The following ATF7IP variants were observed in gnomAD, a reference collection of about 807,000 sequenced individuals.
ATF7IP encodes activating transcription factor 7-interacting protein 1.
In ATF7IP, 23 loss-of-function variants were observed where a neutral mutation model predicts 106.4. The observed-to-expected ratio is 0.22, with a 90% confidence interval of 0.16 to 0.31. The LOEUF (loss-of-function observed/expected upper bound fraction) is 0.31. Among genes scored for constraint, ATF7IP ranks in the 10% least tolerant of loss-of-function variants. ATF7IP has a pLI of 1.00. For missense variants in ATF7IP, 1,334 were observed against 1,524.3 expected (o/e 0.88, Z 2.08); for synonymous variants, 542 against 539.0 (o/e 1.01, Z -0.08).
chr12:14,463,440 A>T (rs1282309331), intron 9 of ATF7IP, among the ~76,000 whole-genome samples: 4 of 152,326 alleles, frequency 2.6e-5, no homozygotes, highest in Middle Eastern at 3.4e-3. Context: ...TTAGATACAC[A>T]GAAATGTATA....
intron 1 of ATF7IP, among the ~76,000 whole-genome samples, chr12:14,412,912 G>T (rs573550864): frequency 6.6e-6 from 1 of 152,312 alleles, no homozygotes; most frequent in African/African-American, 2.4e-5. Context: ...TACTCAGGAG[G>T]CTGAGGCATG....
In ATF7IP at chr12:14,436,252, G is replaced by GT; in HGVS notation, c.1791+2dup. On this transcript the variant is annotated splice_donor_variant, in intron 4 of 14. Coordinates refer to ENST00000261168, the MANE Select transcript of ATF7IP (RefSeq NM_018179.5). LOFTEE classifies it high-confidence loss of function. The stretch of plus-strand genomic sequence containing the variant: ...AGACATTAACCAGAAACTTCAAAAG[G>GT]TATTGTGTCAATTATAAGTTATAAA... 1 of 1,610,438 alleles carries GT rather than the reference G, an allele frequency of 6.2e-7. No homozygotes were observed. Among genetic ancestry groups the GT allele is most frequent in the African/African-American group, 1.3e-5 (1 of 74,736 alleles).
chr12:14,376,912 C>A (rs995165313), intron 1 of ATF7IP, among the ~76,000 whole-genome samples: 7 of 151,798 alleles, frequency 4.6e-5, no homozygotes, highest in African/African-American at 1.7e-4. Flanking sequence ...GGTGACAGAA[C>A]AAAACTCCAT....
intron 13 of ATF7IP, among the ~76,000 whole-genome samples, chr12:14,494,635 A>G (rs537412014): frequency 4.0e-5 from 6 of 150,452 alleles, no homozygotes; most frequent in African/African-American, 1.5e-4. Context: ...TTACATAATC[A>G]GAAGTTCCCA....
At chr12:14,495,966 T>C (rs1944999190) in intron 13 of ATF7IP, among the ~76,000 whole-genome samples, 2 of 152,212 alleles carry the variant, frequency 1.3e-5, no homozygotes, top group Admixed American at 1.3e-4. Flanking sequence ...TCTCACGTAC[T>C]GGTGGCACAT....
intron 6 of ATF7IP, 25 bp from the exon 7 acceptor site, chr12:14,456,536 A>G (rs1336927999): frequency 1.9e-6 from 3 of 1,569,404 alleles, no homozygotes; most frequent in Non-Finnish European, 2.6e-6. Context: ...TTTTATTTTT[A>G]CCTTGATTTT....
At position 14,496,287 on chromosome 12, in the gene ATF7IP, C is replaced by T. The variant is rs757917213; in HGVS notation, c.3337C>T (p.Leu1113=). Residue 1113 remains leucine, a synonymous_variant, in exon 14 of 15, where the codon CTG becomes TTG. Coordinates refer to ENST00000261168, the MANE Select transcript of ATF7IP (RefSeq NM_018179.5). ...ATATGTTGTAAACAATGGACTAACC[C>T]TGGGATCAACAGGACCTCAGCTCAC... The part of the protein sequence containing the change: ...TTYVVNNGLT[L]GSTGPQLTVH... 5 of 1,613,812 alleles carry T rather than the reference C, an allele frequency of 3.1e-6. No individual in the cohort carries two copies. The African/African-American group carries it at 5.3e-5, about 17-fold the overall frequency.
intron 13 of ATF7IP, among the ~76,000 whole-genome samples, chr12:14,495,258 T>C (rs901270885): frequency 3.3e-5 from 5 of 152,224 alleles, no homozygotes; most frequent in African/African-American, 9.6e-5. Context: ...GGTTAATACT[T>C]TGTGTCCTTC....
At chr12:14,436,445 C>T (rs529136166) in intron 4 of ATF7IP, among the ~76,000 whole-genome samples, 194 bp downstream of exon 4, 19 of 152,268 alleles carry the variant, frequency 1.2e-4, no homozygotes, top group African/African-American at 3.8e-4. Context: ...TAATCCCAAT[C>T]CTTTGGGAGG....
At chr12:14,436,862 A>G (rs2136623221) in intron 4 of ATF7IP, among the ~76,000 whole-genome samples, 1 of 152,196 alleles carries the variant, frequency 6.6e-6, no homozygotes, top group South Asian at 2.1e-4. Context: ...CTTTGGTAAC[A>G]AAACTGAATG....
At chr12:14,374,855 T>C (rs1938670258) in intron 1 of ATF7IP, among the ~76,000 whole-genome samples, 1 of 152,212 alleles carries the variant, frequency 6.6e-6, no homozygotes, top group South Asian at 2.1e-4. Context: ...TTTTCTTTGC[T>C]TTACTTCATA....
intron 2 of ATF7IP, among the ~76,000 whole-genome samples, chr12:14,428,860 T>A (rs1941993294): frequency 6.6e-6 from 1 of 152,174 alleles, no homozygotes; most frequent in African/African-American, 2.4e-5. Context: ...TAAAAAAGTG[T>A]TGCATATATA....
rs1943845781 is a variant in ATF7IP, at chr12:14,466,680, G to C, written c.2862+90G>C. Reference sequence around the variant, plus strand: ...ATCATTCTTTGATTGAATGAAAATTGTTCTATGTGTGTTTTTTATAACTAT... The same window carrying C: ...ATCATTCTTTGATTGAATGAAAATTCTTCTATGTGTGTTTTTTATAACTAT... On this transcript the variant is annotated intron_variant, in intron 10 of 14. Coordinates refer to ENST00000261168, the MANE Select transcript of ATF7IP (RefSeq NM_018179.5). 5 of 1,024,022 alleles carry C rather than the reference G, an allele frequency of 4.9e-6. No individual in the cohort carries two copies. In the Admixed American group the frequency reaches 7.7e-5, roughly 16 times the overall value. The allele number at this position is 1,024,022 out of a possible 1,614,324, so 63.4% of individuals were successfully genotyped here.
At chr12:14,462,926 T>A (rs1403433805) in intron 9 of ATF7IP, among the ~76,000 whole-genome samples, 1 of 152,034 alleles carries the variant, frequency 6.6e-6, no homozygotes, top group Non-Finnish European at 1.5e-5. Flanking sequence ...TGATAATGAA[T>A]AAATGTGAAT....
chr12:14,466,104 G>A lies in ATF7IP; in HGVS notation c.2798-422G>A, dbSNP rs1012371917. 13 of 156,338 alleles carry A rather than the reference G, an allele frequency of 8.3e-5. No individual in the cohort carries two copies. In the South Asian group the frequency reaches 2.5e-3, roughly 31 times the overall value. 9.7% of individuals were successfully genotyped at this position (156,338 alleles called of 1,614,324 possible). ...GATTGAACTACTGAGAAATACACAT[G>A]TGTATTTTCTTGGATTTACTGCAAC... is the stretch of plus-strand genomic sequence containing the variant. On this transcript the variant is annotated intron_variant, in intron 9 of 14. Coordinates refer to ENST00000261168, the MANE Select transcript of ATF7IP (RefSeq NM_018179.5).
At chr12:14,483,269 C>T (rs983063168) in intron 13 of ATF7IP, among the ~76,000 whole-genome samples, 1 of 152,172 alleles carries the variant, frequency 6.6e-6, no homozygotes, top group Non-Finnish European at 1.5e-5. Context: ...TTCCTATTGG[C>T]CTTAATCACA....
intron 1 of ATF7IP, among the ~76,000 whole-genome samples, chr12:14,366,662 C>G (rs1051146046): frequency 6.6e-6 from 1 of 152,162 alleles, no homozygotes; most frequent in African/African-American, 2.4e-5. Flanking sequence ...TTGTTCATTA[C>G]TGCTTCAGCT....
At position 14,497,661 on chromosome 12, in the gene ATF7IP, C is replaced by G. The variant is rs1266306338; in HGVS notation, c.3401C>G (p.Pro1134Arg). The stretch of plus-strand genomic sequence containing the variant: ...TGTGACCTGTTTCTTCAGGAGCCCC[C>G]ACGCCCCGTGCACCCAGCACCCTTA... The part of the protein sequence containing the change: ...HRPPQVHTEP[P>R]RPVHPAPLPE... Residue 1134 changes from proline to arginine, a missense_variant, in exon 15 of 15, where the codon CCA becomes CGA. Physicochemically the swap from Pro to Arg is moderately radical, Grantham distance 103. Transcript: ENST00000261168. 1 of 1,612,754 alleles carries G rather than the reference C, an allele frequency of 6.2e-7. No homozygotes were observed. The highest frequency in any genetic ancestry group is 2.2e-5 in the East Asian group (1 of 44,844).
intron 1 of ATF7IP, among the ~76,000 whole-genome samples, chr12:14,411,180 G>A (rs559949938): frequency 6.6e-6 from 1 of 152,260 alleles, no homozygotes; most frequent in Admixed American, 6.5e-5. Flanking sequence ...GCAACTCTGT[G>A]TTTCACATAT....
Sources: allele counts gnomAD v4.1 joint callset (sites outside exome capture counted in the v4.1 genomes callset), GRCh38; gene constraint gnomAD v4.1.1; transcripts MANE v1.5; gene names NCBI Gene and HGNC (gene_info 2026-07-23, HGNC 2026-07-21).